RNF149: variants seen among roughly 807,000 people sequenced by gnomAD.
RNF149 encodes ring finger protein 149.
Under a neutral mutation model 39.0 loss-of-function variants are expected in RNF149, and 21 were observed. The ratio of observed to expected loss-of-function variants is 0.54; its 90% CI spans 0.38 to 0.77. RNF149 has a LOEUF of 0.77. Among genes scored for constraint, RNF149 ranks in the 30% least tolerant of loss-of-function variants. The probability of loss-of-function intolerance (pLI) is 0.00; values close to 1 mark genes in which losing one functional copy is unlikely to be tolerated. For synonymous variants in RNF149, 209 were observed against 213.6 expected, an observed-to-expected ratio of 0.98 and a Z score of 0.19; for missense variants, 493 against 534.9, an observed-to-expected ratio of 0.92 and a Z score of 0.77.
chr2:101,291,059 T>A (rs1000388412), intron 3 of RNF149, among the ~76,000 whole-genome samples: 1 of 152,254 alleles, frequency 6.6e-6, no homozygotes, highest in South Asian at 2.1e-4. Context: ...ACAGTTACAC[T>A]GTTCTTATGT....
chr2:101,284,152 A>C (rs1455944803), intron 5 of RNF149, among the ~76,000 whole-genome samples: 2 of 152,242 alleles, frequency 1.3e-5, no homozygotes, highest in Non-Finnish European at 2.9e-5. Context: ...TGAATATGTG[A>C]AGAAATTCTA....
At chr2:101,277,893 C>T (rs921016052) in intron 6 of RNF149, among the ~76,000 whole-genome samples, 1 of 152,104 alleles carries the variant, frequency 6.6e-6, no homozygotes, top group African/African-American at 2.4e-5. Flanking sequence ...GAACAAGTAG[C>T]TAAGGTGATG....
rs765916068 is a variant in RNF149, at chr2:101,308,252, C to T, written c.337G>A (p.Val113Met). ...GRGAAPWVAL[V>M]ARGGCTFKDK... ...TTGAAGGTGCAGCCCCCACGAGCCA[C>T]CAGGGCGACCCAGGGCGCGGCCCCT... The change falls in exon 1 of 7, where the codon GTG (valine) becomes ATG (methionine). Residue 113 changes from valine to methionine, a missense_variant. Transcript: ENST00000295317. 6 of 1,585,926 alleles carry T rather than the reference C, an allele frequency of 3.8e-6. No homozygotes were observed. The highest frequency in any genetic ancestry group is 4.3e-6 in the Non-Finnish European group (5 of 1,168,014).
intron 3 of RNF149, among the ~76,000 whole-genome samples, chr2:101,293,020 A>G (rs1387088051): frequency 5.3e-5 from 8 of 150,956 alleles, no homozygotes; most frequent in Middle Eastern, 6.8e-3. Context: ...ATTTGTATGG[A>G]AAGAAAATAA....
chr2:101,301,802 G>A (rs1483566098), intron 1 of RNF149, among the ~76,000 whole-genome samples: 1 of 152,104 alleles, frequency 6.6e-6, no homozygotes, highest in Non-Finnish European at 1.5e-5. Context: ...AAATTCTTCT[G>A]GATGACATGA....
In RNF149 at chr2:101,290,603, G is replaced by A. The variant is rs148277987; in HGVS notation, c.781-1548C>T. On this transcript the variant is annotated intron_variant, in intron 3 of 6. Transcript: ENST00000295317. ...GTTTTCTGGAATCATATAAAGTAAC[G>A]TATTTACATTTGCTAAAGAATGGAA... 6.3e-3 allele frequency among the ~76,000 whole-genome samples: 957 copies of A among 152,110 alleles called. 4 individuals are homozygous for A. Among genetic ancestry groups the A allele is most frequent in the African/African-American group, 0.022 (912 of 41,498 alleles).
chr2:101,274,916 A>G (rs1478184827), downstream of RNF149, among the ~76,000 whole-genome samples: 1 of 150,994 alleles, frequency 6.6e-6, no homozygotes, highest in Non-Finnish European at 1.5e-5. Flanking sequence ...TCTCCCGAGT[A>G]GCTGGGATTA....
chr2:101,308,001 C>A, intron 1 of RNF149, 128 bp downstream of exon 1: 1 of 1,451,120 alleles, frequency 6.9e-7, no homozygotes, highest in East Asian at 2.6e-5. Flanking sequence ...CCTGAAAGTT[C>A]CAACAGCCAG....
intron 3 of RNF149, among the ~76,000 whole-genome samples, chr2:101,292,291 C>CT (rs542920181): frequency 9.1e-4 from 139 of 152,044 alleles, no homozygotes; most frequent in Non-Finnish European, 1.4e-3. Context: ...TACCATAAGG[C>CT]TTTTTTGCAA....
intron 6 of RNF149, chr2:101,281,581 A>C: frequency 2.4e-6 from 1 of 417,618 alleles, no homozygotes; most frequent in Non-Finnish European, 4.4e-6. Context: ...AGCTCACTGC[A>C]GCCTGAACTC....
At chr2:101,272,757 GAA>G (rs1167765844), downstream of RNF149, 23 of 360,510 alleles carry the variant, frequency 6.4e-5, no homozygotes. Flanking sequence ...ATGCTCAAAA[GAA>G]AAGACTATTG....
intron 6 of RNF149, among the ~76,000 whole-genome samples, chr2:101,280,582 G>A (rs773183014): frequency 2.0e-5 from 3 of 151,412 alleles, no homozygotes; most frequent in East Asian, 1.9e-4. Context: ...TGAGAGAACG[G>A]GAAACTAAAC....
chr2:101,276,926 A>G lies in RNF149; in HGVS notation c.*312T>C. The G allele has an allele frequency of 1.9e-6, 2 of 1,079,218 alleles. No homozygotes were observed. The allele number at this position is 1,079,218 out of a possible 1,614,324, so 66.9% of individuals were successfully genotyped here. ...AATTAACTGGTTTTTACAGAACCATAGCAGCCAATTATTTAGAAACACCAC... is the reference window on the plus strand; with the variant it reads ...AATTAACTGGTTTTTACAGAACCATGGCAGCCAATTATTTAGAAACACCAC... On this transcript the variant is annotated 3_prime_UTR_variant, in exon 7 of 7. Transcript: ENST00000295317.
At chr2:101,302,000 TTTTCCC>T (rs1683471138) in intron 1 of RNF149, among the ~76,000 whole-genome samples, 1 of 152,210 alleles carries the variant, frequency 6.6e-6, no homozygotes, top group African/African-American at 2.4e-5. Flanking sequence ...CCAGGTTTTC[TTTTCCC>T]CACTAACTAA....
intron 4 of RNF149, among the ~76,000 whole-genome samples, chr2:101,287,379 A>G (rs554643428): frequency 6.6e-6 from 1 of 152,334 alleles, no homozygotes; most frequent in African/African-American, 2.4e-5. Context: ...CATAAAAGGA[A>G]CATGTTGGTT....
At chr2:101,301,395 A>G (rs1683446714) in intron 1 of RNF149, among the ~76,000 whole-genome samples, 1 of 151,366 alleles carries the variant, frequency 6.6e-6, no homozygotes, top group Admixed American at 6.6e-5. Context: ...CTGCACGATT[A>G]TAGCTCACTG....
At chr2:101,304,955 C>T (rs528297892) in intron 1 of RNF149, among the ~76,000 whole-genome samples, 1 of 151,332 alleles carries the variant, frequency 6.6e-6, no homozygotes, top group South Asian at 2.1e-4. Context: ...ATTCTCCTGC[C>T]TCAGCCTCCT....
chr2:101,290,673 AAT>A (rs1355625705), intron 3 of RNF149, among the ~76,000 whole-genome samples: 4 of 152,256 alleles, frequency 2.6e-5, no homozygotes, highest in African/African-American at 9.6e-5. Context: ...AATATTTGAA[AAT>A]AGTTACCTCA....
At chr2:101,284,859 A>C (rs920949661) in intron 5 of RNF149, among the ~76,000 whole-genome samples, 2 of 152,164 alleles carry the variant, frequency 1.3e-5, no homozygotes, top group African/African-American at 4.8e-5. Context: ...TAGCAACAAG[A>C]CTATATTTGA....
Sources: allele counts gnomAD v4.1 joint callset (sites outside exome capture counted in the v4.1 genomes callset), GRCh38; gene constraint gnomAD v4.1.1; transcripts MANE v1.5; gene names NCBI Gene and HGNC (gene_info 2026-07-23, HGNC 2026-07-21).